MAPKAP1: variants seen among roughly 807,000 people sequenced by gnomAD.
MAPKAP1 encodes the protein MAPK associated protein 1, also known as target of rapamycin complex 2 subunit MAPKAP1.
A neutral mutation model predicts 65.7 loss-of-function variants in MAPKAP1; 20 were observed. The ratio of observed to expected loss-of-function variants is 0.30; its 90% CI spans 0.21 to 0.44. The LOEUF (loss-of-function observed/expected upper bound fraction) is 0.44. Ranked by LOEUF, MAPKAP1 falls within the 20% of genes least tolerant of loss-of-function variation. MAPKAP1 has a pLI of 1.00. For missense variants in MAPKAP1, 423 were observed against 648.0 expected (o/e 0.65, Z 3.77); for synonymous variants, 222 against 244.3 (o/e 0.91, Z 0.85).
chr9:125,689,061 TA>T (rs1409773285), intron 1 of MAPKAP1, among the ~76,000 whole-genome samples: 1 of 152,188 alleles, frequency 6.6e-6, no homozygotes, highest in Non-Finnish European at 1.5e-5. Context: ...GTTAGGCGTA[TA>T]AAGTGCTAAG....
chr9:125,622,779 A>G (rs1049391194), intron 4 of MAPKAP1, among the ~76,000 whole-genome samples: 1 of 147,532 alleles, frequency 6.8e-6, no homozygotes, highest in Non-Finnish European at 1.5e-5. Flanking sequence ...ACTAAAAATT[A>G]AAAAGCAAGG....
intron 7 of MAPKAP1, among the ~76,000 whole-genome samples, chr9:125,512,535 T>C (rs992052175): frequency 1.3e-5 from 2 of 152,166 alleles, no homozygotes; most frequent in African/African-American, 4.8e-5. Flanking sequence ...TTAATCTTTA[T>C]GTTTCTTTTC....
At chr9:125,503,707 TTC>T (rs1325251149) in intron 8 of MAPKAP1, among the ~76,000 whole-genome samples, 1 of 151,716 alleles carries the variant, frequency 6.6e-6, no homozygotes, top group Non-Finnish European at 1.5e-5. Context: ...TTAAGATAAT[TTC>T]TTTTTTCTTT....
intron 4 of MAPKAP1, among the ~76,000 whole-genome samples, chr9:125,601,963 T>C (rs1832310888): frequency 6.6e-6 from 1 of 152,160 alleles, no homozygotes; most frequent in African/African-American, 2.4e-5. Context: ...AGTTTGCAAA[T>C]GCATGTTGAA....
chr9:125,442,372 G>A (rs752669572), intron 11 of MAPKAP1, among the ~76,000 whole-genome samples: 71 of 152,124 alleles, frequency 4.7e-4, no homozygotes, highest in Non-Finnish European at 8.4e-4. Context: ...ATTTGGACCT[G>A]TAAAATGATT....
intron 4 of MAPKAP1, among the ~76,000 whole-genome samples, chr9:125,615,948 G>A (rs566709261): frequency 4.3e-4 from 66 of 151,752 alleles, no homozygotes; most frequent in Middle Eastern, 6.8e-3. Flanking sequence ...AAGAGAAAAG[G>A]AGGTTGAAGG....
rs144466079 is a variant in MAPKAP1 at position 125,653,893 on chromosome 9, T to A, written c.498+3758A>T. 5.8e-4 allele frequency among the ~76,000 whole-genome samples: 88 copies of A among 152,342 alleles called. 1 individual carries two copies. Among genetic ancestry groups the A allele is most frequent in the African/African-American group, 2.1e-3 (88 of 41,572 alleles). On this transcript the variant is annotated intron_variant, in intron 4 of 11. Transcript: ENST00000265960. The stretch of plus-strand genomic sequence containing the variant: ...GACACAACTTGCTAATCAGTCCCTT[T>A]TTTTTTATTACTAACTGTATTGACA...
At chr9:125,686,311 C>CAAA (rs35807247) in intron 1 of MAPKAP1, among the ~76,000 whole-genome samples, 1 of 56,932 alleles carries the variant, frequency 1.8e-5, no homozygotes, top group African/African-American at 4.8e-5. Context: ...GACTCTGTCT[C>CAAA]AAAAAAAAAA....
chr9:125,601,181 C>T (rs926240639), intron 4 of MAPKAP1, among the ~76,000 whole-genome samples: 122 of 151,672 alleles, frequency 8.0e-4, no homozygotes, highest in African/African-American at 2.9e-3. Flanking sequence ...TATAGTACAG[C>T]CATTATCACC....
At chr9:125,542,899 G>A in intron 7 of MAPKAP1, 160 bp downstream of exon 7, 2 of 761,860 alleles carry the variant, frequency 2.6e-6, no homozygotes, top group Non-Finnish European at 4.9e-6. Flanking sequence ...AGGCCGAGGG[G>A]CAGTGTACAA....
chr9:125,494,977 T>A (rs1006039118), intron 8 of MAPKAP1, among the ~76,000 whole-genome samples: 18 of 152,190 alleles, frequency 1.2e-4, no homozygotes, highest in African/African-American at 4.3e-4. Flanking sequence ...CCAAAGTGAA[T>A]CCAATACCCT....
intron 6 of MAPKAP1, among the ~76,000 whole-genome samples, chr9:125,549,258 G>A (rs186788089): frequency 1.3e-5 from 2 of 152,322 alleles, no homozygotes; most frequent in African/African-American, 4.8e-5. Flanking sequence ...AGGTTGCTAC[G>A]AGCAGTTCTC....
At chr9:125,689,285 A>G (rs559370710) in intron 1 of MAPKAP1, among the ~76,000 whole-genome samples, 19 of 151,938 alleles carry the variant, frequency 1.3e-4, no homozygotes, top group Non-Finnish European at 2.4e-4. Flanking sequence ...AAAATACAAA[A>G]AATTAGCCGG....
At chr9:125,657,326 C>T (rs1834060475) in intron 4 of MAPKAP1, among the ~76,000 whole-genome samples, 1 of 151,426 alleles carries the variant, frequency 6.6e-6, no homozygotes, top group Admixed American at 6.6e-5. Flanking sequence ...TATGTATATA[C>T]ATATATATAC....
At chr9:125,544,811 G>A (rs906495558) in intron 6 of MAPKAP1, among the ~76,000 whole-genome samples, 1 of 152,200 alleles carries the variant, frequency 6.6e-6, no homozygotes, top group African/African-American at 2.4e-5. Context: ...GCTAAGTTCT[G>A]GAAAAGCTTC....
At chr9:125,689,436 GAAAAAAAAAAAAA>G (rs911746619) in intron 1 of MAPKAP1, among the ~76,000 whole-genome samples, 16 of 15,270 alleles carry the variant, frequency 1.0e-3, no homozygotes, top group Middle Eastern at 0.083. Context: ...CTCCATCTCG[GAAAAAAAAAAAAA>G]AAAAAAAAAA....
chr9:125,464,562 G>A (rs1207034554), intron 10 of MAPKAP1, among the ~76,000 whole-genome samples: 1 of 152,064 alleles, frequency 6.6e-6, no homozygotes, highest in African/African-American at 2.4e-5. Context: ...ATATTTATAT[G>A]TACAATTTTT....
At chr9:125,560,780 C>T (rs1830869805) in intron 5 of MAPKAP1, among the ~76,000 whole-genome samples, 1 of 152,184 alleles carries the variant, frequency 6.6e-6, no homozygotes, top group African/African-American at 2.4e-5. Flanking sequence ...GACACAGATA[C>T]CTGGTCCTCT....
At chr9:125,482,148 A>AAAAAAAAAAGAAG (rs60516268) in intron 9 of MAPKAP1, among the ~76,000 whole-genome samples, 1 of 116,978 alleles carries the variant, frequency 8.5e-6, no homozygotes, top group Non-Finnish European at 1.7e-5. Flanking sequence ...AAAAAAAAAA[A>AAAAAAAAAAGAAG]AAGAAGAAGA....
Sources: gnomAD v4.1 joint callset for allele counts (sites outside exome capture counted in the v4.1 genomes callset) on GRCh38, gnomAD v4.1.1 for gene constraint, MANE v1.5 for transcripts, NCBI Gene and HGNC (gene_info 2026-07-23, HGNC 2026-07-21) for gene names.